LRRK2: variants seen among roughly 807,000 people sequenced by gnomAD.
LRRK2 encodes the protein leucine-rich repeat serine/threonine-protein kinase 2.
A neutral mutation model predicts 302.6 loss-of-function variants in LRRK2; 203 were observed. The observed-to-expected ratio is 0.67, with a 90% CI of 0.60 to 0.75. The LOEUF (loss-of-function observed/expected upper bound fraction) is 0.75, where lower values mean the gene tolerates loss of function less well. LRRK2 is among the 30% of genes least tolerant of loss of function. The pLI is 0.00. For synonymous variants in LRRK2, 1,066 were observed against 1,031.9 expected, an observed-to-expected ratio of 1.03 and a Z score of -0.63; for missense variants, 2,830 against 2,951.0, an observed-to-expected ratio of 0.96 and a Z score of 0.95.
At chr12:40,261,424 T>C (rs1942770566) in intron 13 of LRRK2, among the ~76,000 whole-genome samples, 1 of 152,156 alleles carries the variant, frequency 6.6e-6, no homozygotes, top group Admixed American at 6.6e-5. Flanking sequence ...TAGTTAACAA[T>C]CAATCAGATG....
In LRRK2 at chr12:40,293,677, T is replaced by G. The variant is rs1415596285; in HGVS notation, c.2808+14T>G. The G allele has an allele frequency of 6.5e-7, 1 of 1,527,336 alleles. No homozygotes were observed. 94.6% of individuals were successfully genotyped at this position (1,527,336 alleles called of 1,614,324 possible). On this transcript the variant is annotated intron_variant, in intron 21 of 50. Transcript: ENST00000298910. ...TCCAATTCCTTGGTAAGTTAAATTG[T>G]GCAATTGTGATTATGTTGTGTTTTG...
Position 40,309,106 on chromosome 12 carries a change from G to T in LRRK2, c.4190G>T (p.Gly1397Val), listed in dbSNP as rs750830188. Residue 1397 changes from glycine to valine, a missense_variant and splice_region_variant, in exon 30 of 51, where the codon GGT becomes GTT. Physicochemically the swap from Gly to Val is moderately radical, Grantham distance 109. Coordinates refer to ENST00000298910, the MANE Select transcript of LRRK2 (RefSeq NM_198578.4). ...AAATTTGTCTCTAATCTTTATTTAG[G>T]TCGTGAGGAATTCTATAGTACTCAT... ...DLVLNVWDFAGREEFYSTHPH... is the reference protein window; with the variant it reads ...DLVLNVWDFAVREEFYSTHPH... 5 of 1,613,374 alleles carry T rather than the reference G, an allele frequency of 3.1e-6. No homozygotes were observed. Among genetic ancestry groups the T allele is most frequent in the Non-Finnish European group, 4.2e-6 (5 of 1,179,672 alleles).
chr12:40,317,857 G>A (rs553635957), intron 33 of LRRK2, among the ~76,000 whole-genome samples: 2 of 152,184 alleles, frequency 1.3e-5, no homozygotes, highest in Non-Finnish European at 2.9e-5. Context: ...GGCTTAAAAT[G>A]TGAACAATTT....
intron 6 of LRRK2, among the ~76,000 whole-genome samples, chr12:40,242,296 T>G (rs1822549606): frequency 6.6e-6 from 1 of 152,146 alleles, no homozygotes. Flanking sequence ...GTTTTGGTTG[T>G]GCCAAAACAA....
chr12:40,271,233 C>T (rs1389029718), intron 14 of LRRK2, among the ~76,000 whole-genome samples: 3 of 152,124 alleles, frequency 2.0e-5, no homozygotes, highest in African/African-American at 7.2e-5. Flanking sequence ...AGACAAGGGA[C>T]ATCATTCCAC....
Position 40,283,859 on chromosome 12 carries a change from T to C in LRRK2, c.2242-16T>C. On this transcript the variant is annotated splice_polypyrimidine_tract_variant and intron_variant, in intron 18 of 50. Coordinates refer to ENST00000298910, the MANE Select transcript of LRRK2 (RefSeq NM_198578.4). The stretch of plus-strand genomic sequence containing the variant: ...AATGTAGATTTTTAATATACTTAAT[T>C]TTTTTTCTTTAATAGGTATGTGAGA... 2 of 1,603,914 alleles carry C rather than the reference T, an allele frequency of 1.2e-6. No individual in the cohort carries two copies. The highest frequency in any genetic ancestry group is 1.7e-6 in the Non-Finnish European group (2 of 1,173,826).
rs199880363 is a variant in LRRK2 at position 40,368,751 on chromosome 12, C to T, written c.*986C>T. 2 of 150,552 alleles carry T rather than the reference C, an allele frequency of 1.3e-5. No individual in the cohort carries two copies. The highest frequency in any genetic ancestry group is 2.4e-5 in the African/African-American group (1 of 40,954). 9.3% of individuals were successfully genotyped at this position (150,552 alleles called of 1,614,324 possible). A position where few individuals can be genotyped will look rare whatever the true frequency, so the allele number is the denominator to read the frequency against. ...CTACCAAGACCATGAGGATAAATAT[C>T]TAACACTTTTCAGTTGCTGAAGGAG... On this transcript the variant is annotated 3_prime_UTR_variant, in exon 51 of 51. Transcript: ENST00000298910.
chr12:40,339,937 A>G (rs1945985986), intron 40 of LRRK2, among the ~76,000 whole-genome samples: 1 of 152,216 alleles, frequency 6.6e-6, no homozygotes, highest in Admixed American at 6.5e-5. Flanking sequence ...TTACATTTTG[A>G]AATAGTTAAA....
rs201092456 is a variant in LRRK2 at position 40,274,999 on chromosome 12, T to G, written c.1941+6T>G. On this transcript the variant is annotated splice_donor_region_variant and intron_variant, in intron 16 of 50. Coordinates refer to ENST00000298910, the MANE Select transcript of LRRK2 (RefSeq NM_198578.4). Reference sequence around the variant, plus strand: ...TTGCTGAAATACAGACTAAAGTATGTGCATTATCTTGGAAAGAATTTGGGA... The same window carrying G: ...TTGCTGAAATACAGACTAAAGTATGGGCATTATCTTGGAAAGAATTTGGGA... The G allele has an allele frequency of 4.3e-6, 7 of 1,613,672 alleles. No homozygotes were observed. The highest frequency in any genetic ancestry group is 4.0e-5 in the African/African-American group (3 of 74,908).
chr12:40,313,329 C>T (rs1246465197), intron 31 of LRRK2, among the ~76,000 whole-genome samples: 4 of 151,928 alleles, frequency 2.6e-5, no homozygotes, highest in Non-Finnish European at 5.9e-5. Flanking sequence ...ATATATTTCT[C>T]ATTTTGTTGA....
intron 45 of LRRK2, among the ~76,000 whole-genome samples, chr12:40,355,201 G>A (rs1202028333): frequency 1.3e-5 from 2 of 152,094 alleles, no homozygotes; most frequent in Non-Finnish European, 2.9e-5. Context: ...TGGCAGTTTC[G>A]GAGTTGAAAT....
intron 20 of LRRK2, among the ~76,000 whole-genome samples, chr12:40,292,803 A>T (rs1180868814): frequency 6.6e-6 from 1 of 151,960 alleles, no homozygotes; most frequent in African/African-American, 2.4e-5. Flanking sequence ...CACATTATTT[A>T]TCTTTAATAT....
rs17490914 is a variant in LRRK2 at position 40,272,340 on chromosome 12, A to G, written c.1657-2243A>G. Among the ~76,000 whole-genome samples, 692 of 152,338 alleles carry G rather than the reference A, an allele frequency of 4.5e-3. 8 individuals carry two copies. Among genetic ancestry groups the G allele is most frequent in the African/African-American group, 0.016 (662 of 41,578 alleles). On this transcript the variant is annotated intron_variant, in intron 14 of 50. Coordinates refer to ENST00000298910, the MANE Select transcript of LRRK2 (RefSeq NM_198578.4). Reference sequence around the variant, plus strand: ...TTTAAGATACTGGTATCAAGCCAAAAGAAATTTGGGCTTAGAACTTGAAAG... The same window carrying G: ...TTTAAGATACTGGTATCAAGCCAAAGGAAATTTGGGCTTAGAACTTGAAAG...
chr12:40,275,498 G>A (rs1385252268), intron 16 of LRRK2, among the ~76,000 whole-genome samples: 2 of 149,182 alleles, frequency 1.3e-5, no homozygotes, highest in African/African-American at 4.9e-5. Context: ...GTTCACGGGA[G>A]ATTAAGAATA....
At chr12:40,269,791 C>A (rs1467975186) in intron 14 of LRRK2, among the ~76,000 whole-genome samples, 1 of 152,068 alleles carries the variant, frequency 6.6e-6, no homozygotes, top group Non-Finnish European at 1.5e-5. Context: ...TTTTTTCCTT[C>A]CTGTATGTTG....
Position 40,328,396 on chromosome 12 carries a change from A to G in LRRK2, c.5693A>G (p.Tyr1898Cys), listed in dbSNP as rs1860363018. ...TTTGGATCAGTTTACCGAGCAGCCT[A>G]TGAAGGAGAAGAAGTGGCTGTGAAG... ...GSFGSVYRAA[Y>C]EGEEVAVKIF... Residue 1898 changes from tyrosine to cysteine, a missense_variant, in exon 39 of 51, where the codon TAT becomes TGT. Physicochemically the swap from Tyr to Cys is radical, Grantham distance 194. Around this residue, in one of 3 missense-constraint regions of LRRK2, gnomAD observed 253 missense variants for 346.7 expected, o/e 0.73. Coordinates refer to ENST00000298910, the MANE Select transcript of LRRK2 (RefSeq NM_198578.4). 1.2e-6 allele frequency: 2 copies of G among 1,613,666 alleles called. No homozygotes were observed. The highest frequency in any genetic ancestry group is 1.7e-6 in the Non-Finnish European group (2 of 1,179,816).
intron 46 of LRRK2, among the ~76,000 whole-genome samples, chr12:40,357,366 T>C (rs1213302586): frequency 1.0e-4 from 1 of 9,946 alleles, no homozygotes; most frequent in East Asian, 1.8e-3. Flanking sequence ...GATTCCACTT[T>C]TTTTTTTAGC....
intron 21 of LRRK2, among the ~76,000 whole-genome samples, chr12:40,294,175 CTATCATCT>C (rs1404864842): frequency 5.3e-5 from 8 of 150,212 alleles, no homozygotes; most frequent in East Asian, 1.9e-4. Context: ...ATCTATCTAT[CTATCATCT>C]ATCTATCAAT....
intron 30 of LRRK2, among the ~76,000 whole-genome samples, chr12:40,309,504 T>A (rs1944964209): frequency 6.6e-6 from 1 of 152,150 alleles, no homozygotes; most frequent in Admixed American, 6.6e-5. Context: ...TTCAACTGTT[T>A]TTTAATTATA....
Sources: gnomAD v4.1 joint callset for allele counts (sites outside exome capture counted in the v4.1 genomes callset) on GRCh38, gnomAD v4.1.1 for gene constraint, gnomAD v4.1.1 regional missense constraint, MANE v1.5 for transcripts, NCBI Gene and HGNC (gene_info 2026-07-23, HGNC 2026-07-21) for gene names.